Variants in CCDC126 observed in about 807,000 individuals in gnomAD.
CCDC126 encodes the protein coiled-coil domain containing 126, also known as coiled-coil domain-containing protein 126.
Under a neutral mutation model 11.7 loss-of-function variants are expected in CCDC126, and 5 were observed. The ratio of observed to expected loss-of-function variants is 0.43; its 90% CI spans 0.22 to 0.90. CCDC126 has a LOEUF of 0.90. CCDC126 is among the 40% of genes least tolerant of loss of function. The probability of loss-of-function intolerance (pLI) is 0.27; values close to 1 mark genes in which losing one functional copy is unlikely to be tolerated. For missense variants in CCDC126, 150 were observed against 163.1 expected (o/e 0.92, Z 0.44); for synonymous variants, 60 against 61.9 (o/e 0.97, Z 0.14).
chr7:23,603,994 G>T (rs1455661519), intron 2 of CCDC126: 4 of 152,202 alleles, frequency 2.6e-5, no homozygotes, highest in Non-Finnish European at 5.9e-5. Context: ...GTTAGAAGAA[G>T]ATCAGTGTGG....
chr7:23,618,541 T>G (rs397716055), intron 3 of CCDC126, among the ~76,000 whole-genome samples: 22 of 107,054 alleles, frequency 2.1e-4, no homozygotes, highest in Non-Finnish European at 3.3e-4. Flanking sequence ...CAGCTAAATT[T>G]TTTTTTTTTT....
chr7:23,643,211 T>G lies in CCDC126; in HGVS notation c.*96T>G. The G allele has an allele frequency of 2.9e-6, 3 of 1,026,146 alleles. No homozygotes were observed. The highest frequency in any genetic ancestry group is 4.2e-6 in the Non-Finnish European group (3 of 715,360). The allele number at this position is 1,026,146 out of a possible 1,614,324, so 63.6% of individuals were successfully genotyped here. A position where few individuals can be genotyped will look rare whatever the true frequency, so the allele number is the denominator to read the frequency against. ...GCTGGCTTAGGACAGAGCAATACTT[T>G]ACAATAAAAGCTCTACACATTTTCA... On this transcript the variant is annotated 3_prime_UTR_variant, in exon 4 of 4. Transcript: ENST00000307471.
In CCDC126 at chr7:23,611,478, A is replaced by G. The variant is rs576753729; in HGVS notation, c.163A>G (p.Arg55Gly). 7 of 1,614,096 alleles carry G rather than the reference A, an allele frequency of 4.3e-6. No homozygotes were observed. In the South Asian group the frequency reaches 6.6e-5, roughly 15 times the overall value. ...LREQILDLSK[R>G]YVKALAEENK... Reference sequence around the variant, plus strand: ...TGAGCAAATACTAGACTTAAGCAAAAGATATGTTAAAGCTCTAGCAGAGGA... The same window carrying G: ...TGAGCAAATACTAGACTTAAGCAAAGGATATGTTAAAGCTCTAGCAGAGGA... The change falls in exon 3 of 4, where the codon AGA becomes GGA. Residue 55 changes from arginine (R) to glycine (G), a missense_variant. Transcript: ENST00000307471.
intron 3 of CCDC126, among the ~76,000 whole-genome samples, chr7:23,625,403 C>T (rs1281717848): frequency 1.3e-5 from 2 of 152,196 alleles, no homozygotes; most frequent in East Asian, 1.9e-4. Flanking sequence ...TACCAATTTA[C>T]ATTCTTACTA....
chr7:23,637,877 G>A (rs1221953300), intron 3 of CCDC126, among the ~76,000 whole-genome samples: 17 of 117,124 alleles, frequency 1.5e-4, no homozygotes, highest in African/African-American at 1.8e-4. Flanking sequence ...CGCCCCGTCC[G>A]GGAGGTGAGG....
At chr7:23,638,729 A>AAAAAAAAAAAAAAAAAAC (rs1783292959) in intron 3 of CCDC126, among the ~76,000 whole-genome samples, 3 of 36,414 alleles carry the variant, frequency 8.2e-5, no homozygotes, top group Admixed American at 2.6e-4. Flanking sequence ...AAAAAAATTA[A>AAAAAAAAAAAAAAAAAAC]AAAAAAAAAA....
At chr7:23,625,444 A>G (rs1424879873) in intron 3 of CCDC126, among the ~76,000 whole-genome samples, 2 of 152,106 alleles carry the variant, frequency 1.3e-5, no homozygotes, top group Non-Finnish European at 2.9e-5. Flanking sequence ...GAAGGTGACC[A>G]TTTATATGCA....
chr7:23,618,568 T>G (rs2128017442), intron 3 of CCDC126, among the ~76,000 whole-genome samples: 1 of 143,838 alleles, frequency 7.0e-6, no homozygotes, highest in East Asian at 2.0e-4. Flanking sequence ...TTTTTAAATT[T>G]GAGACAGAGT....
At chr7:23,631,604 C>G (rs1187132188) in intron 3 of CCDC126, among the ~76,000 whole-genome samples, 1 of 151,674 alleles carries the variant, frequency 6.6e-6, no homozygotes, top group African/African-American at 2.4e-5. Context: ...CTACTAAAAA[C>G]AAAAAAATTA....
intron 3 of CCDC126, among the ~76,000 whole-genome samples, chr7:23,612,101 G>T (rs1007702518): frequency 2.0e-5 from 3 of 149,092 alleles, no homozygotes; most frequent in Non-Finnish European, 4.4e-5. Context: ...AGCTGAGATC[G>T]CGCCGCTGCA....
rs1373962907 is a variant in CCDC126 at position 23,633,875 on chromosome 7, A to C, written c.239-9056A>C. Among the ~76,000 whole-genome samples, 3 of 152,242 alleles carry C rather than the reference A, an allele frequency of 2.0e-5. No individual in the cohort carries two copies. In the East Asian group the frequency reaches 5.8e-4, roughly 29 times the overall value. ...TGTATCCAAAAAAAAGAAAGAAAAAAGAAAAGAAGTGATTTCTAAATTTTC... is the reference window on the plus strand; with the variant it reads ...TGTATCCAAAAAAAAGAAAGAAAAACGAAAAGAAGTGATTTCTAAATTTTC... On this transcript the variant is annotated intron_variant, in intron 3 of 3. Coordinates refer to ENST00000307471, the MANE Select transcript of CCDC126 (RefSeq NM_138771.4).
chr7:23,603,074 C>T (rs1448338295), intron 2 of CCDC126, among the ~76,000 whole-genome samples: 1 of 152,066 alleles, frequency 6.6e-6, no homozygotes, highest in African/African-American at 2.4e-5. Flanking sequence ...TATGCACTGC[C>T]CCCCACCCTC....
chr7:23,641,493 A>G (rs1042320159), intron 3 of CCDC126, among the ~76,000 whole-genome samples: 18 of 152,308 alleles, frequency 1.2e-4, no homozygotes, highest in Non-Finnish European at 2.5e-4. Context: ...TTTATGCACA[A>G]AAGTTTTAAA....
chr7:23,638,727 T>TAAAAAAAAAAAAAAAAAAAAAA (rs70954398), intron 3 of CCDC126, among the ~76,000 whole-genome samples: 16 of 89,650 alleles, frequency 1.8e-4, no homozygotes, highest in East Asian at 3.0e-4. Flanking sequence ...AAAAAAAAAT[T>TAAAAAAAAAAAAAAAAAAAAAA]AAAAAAAAAA....
intron 3 of CCDC126, among the ~76,000 whole-genome samples, chr7:23,636,755 G>A (rs1469937704): frequency 2.1e-5 from 3 of 140,230 alleles, no homozygotes; most frequent in African/African-American, 8.3e-5. Flanking sequence ...CAGCCACCCC[G>A]TCCGGGAGGG....
chr7:23,631,027 TATG>T (rs1783101396), intron 3 of CCDC126, among the ~76,000 whole-genome samples: 1 of 152,038 alleles, frequency 6.6e-6, no homozygotes, highest in Non-Finnish European at 1.5e-5. Context: ...AATTTAGATT[TATG>T]CACTAAGTGC....
chr7:23,638,440 A>T (rs1364744391), intron 3 of CCDC126, among the ~76,000 whole-genome samples: 1 of 91,760 alleles, frequency 1.1e-5, no homozygotes, highest in East Asian at 2.6e-4. Context: ...TCTCTGAAAC[A>T]TGTGCTGTGT....
At position 23,607,353 on chromosome 7, in the gene CCDC126, T is replaced by C. The variant is rs1456601683; in HGVS notation, c.-145-3818T>C. ...TGACTCTGTCCTTATCTAAGTGGCCTTCTGGGGGCTGGATCAGTACTTGAA... is the reference window on the plus strand; with the variant it reads ...TGACTCTGTCCTTATCTAAGTGGCCCTCTGGGGGCTGGATCAGTACTTGAA... On this transcript the variant is annotated intron_variant, in intron 2 of 3. Coordinates refer to ENST00000307471, the MANE Select transcript of CCDC126 (RefSeq NM_138771.4). Among the ~76,000 whole-genome samples, 4 of 152,184 alleles carry C rather than the reference T, an allele frequency of 2.6e-5. No homozygotes were observed. The East Asian group carries it at 5.8e-4, about 22-fold the overall frequency.
intron 3 of CCDC126, among the ~76,000 whole-genome samples, chr7:23,625,649 A>ATTTTTTTTTTTTTT (rs34492140): frequency 6.5e-5 from 5 of 77,144 alleles, no homozygotes; most frequent in African/African-American, 1.1e-4. Context: ...TATTTGACTG[A>ATTTTTTTTTTTTTT]TTTTTTTTTT....
Sources: allele counts gnomAD v4.1 joint callset (sites outside exome capture counted in the v4.1 genomes callset), GRCh38; gene constraint gnomAD v4.1.1; transcripts MANE v1.5; gene names NCBI Gene and HGNC (gene_info 2026-07-23, HGNC 2026-07-21).